Variants in LAMA3 observed in about 807,000 individuals in gnomAD.
LAMA3 encodes laminin subunit alpha-3.
A neutral mutation model predicts 402.0 loss-of-function variants in LAMA3; 281 were observed. The observed-to-expected ratio is 0.70, with a 90% CI of 0.63 to 0.77. The LOEUF (loss-of-function observed/expected upper bound fraction) is 0.77, where lower values mean the gene tolerates loss of function less well. LAMA3 is among the 30% of genes least tolerant of loss of function. LAMA3 has a pLI of 0.00. For synonymous variants in LAMA3, 1,431 were observed against 1,558.4 expected, an observed-to-expected ratio of 0.92 and a Z score of 1.93; for missense variants, 3,840 against 4,215.5, an observed-to-expected ratio of 0.91 and a Z score of 2.47.
rs1182823379 is a variant in LAMA3 at position 23,879,757 on chromosome 18, GAC to G, written c.5113-2177_5113-2176del. On this transcript the variant is annotated intron_variant, in intron 39 of 74. Coordinates refer to ENST00000313654, the MANE Select transcript of LAMA3 (RefSeq NM_198129.4). This position sits in a 1 kb window ranked among gnomAD's most constrained non-coding sequence, Gnocchi z 4.2. ...GTTTCCAGGGTGGCCACTCTCAACT[GAC>G]AGTGAAGGGTTTCTCACATATTTTT... 6.6e-6 allele frequency among the ~76,000 whole-genome samples: 1 copy of G among 152,196 alleles called. No individual in the cohort carries two copies. The highest frequency in any genetic ancestry group is 2.4e-5 in the African/African-American group (1 of 41,442).
intron 1 of LAMA3, chr18:23,709,804 G>C: frequency 6.3e-6 from 4 of 638,210 alleles, no homozygotes; most frequent in Non-Finnish European, 1.2e-5. Context: ...TGGTGAATTA[G>C]CCAGCCAGAC....
Position 23,907,808 on chromosome 18 carries a change from C to A in LAMA3, c.6888C>A (p.Asn2296Lys), listed in dbSNP as rs141023743. ...CAAAGAGCATGGTCAGAAAGGCCAA[C>A]GACATCACAGATGAGGTTCTGGATG... ...SSAKSMVRKA[N>K]DITDEVLDGL... Residue 2296 changes from asparagine (N) to lysine (K), a missense_variant, in exon 54 of 75, where the codon AAC becomes AAA. Physicochemically the swap from Asn to Lys is moderately conservative, Grantham distance 94. This residue lies in a region of LAMA3 where 891 missense variants were observed against 857.5 expected (regional missense o/e 1.04). Coordinates refer to ENST00000313654, the MANE Select transcript of LAMA3 (RefSeq NM_198129.4). The A allele has an allele frequency of 6.2e-7, 1 of 1,614,120 alleles. No homozygotes were observed. Among genetic ancestry groups the A allele is most frequent in the South Asian group, 1.1e-5 (1 of 91,074 alleles).
chr18:23,938,215 T>C (rs779310761), intron 67 of LAMA3, among the ~76,000 whole-genome samples: 1 of 152,182 alleles, frequency 6.6e-6, no homozygotes, highest in African/African-American at 2.4e-5. Context: ...TCAGGGCTCA[T>C]TGGCCAGCAG....
rs1316195382 is a variant in LAMA3, at chr18:23,954,599, C to G, written c.9953C>G (p.Ala3318Gly). ...CACATCCCTGTCCCTGTCACTGAAG[C>G]CTTGGAAGTCCAGGGGCCTGTCAGT... ...VNHIPVPVTE[A>G]LEVQGPVSLN... is the part of the protein sequence containing the mutation. Residue 3318 changes from alanine to glycine, a missense_variant, in exon 75 of 75, where the codon GCC becomes GGC. Ala to Gly is a moderately conservative substitution (Grantham distance 60). Coordinates refer to ENST00000313654, the MANE Select transcript of LAMA3 (RefSeq NM_198129.4). 2 of 1,613,946 alleles carry G rather than the reference C, an allele frequency of 1.2e-6. No individual in the cohort carries two copies. Among genetic ancestry groups the G allele is most frequent in the Admixed American group, 3.3e-5 (2 of 60,008 alleles).
intron 59 of LAMA3, among the ~76,000 whole-genome samples, chr18:23,915,999 C>G (rs1482127529): frequency 8.1e-5 from 4 of 49,132 alleles, no homozygotes; most frequent in Non-Finnish European, 1.3e-4. Context: ...GAGTGAGACT[C>G]CATCTCCAAA....
At chr18:23,922,434 T>G (rs756162846) in intron 62 of LAMA3, among the ~76,000 whole-genome samples, 11 of 152,240 alleles carry the variant, frequency 7.2e-5, no homozygotes, top group Non-Finnish European at 8.8e-5. Flanking sequence ...TCTAGAGTCC[T>G]TATACATGTG....
intron 32 of LAMA3, among the ~76,000 whole-genome samples, chr18:23,854,516 C>CTGTA (rs2064019920): frequency 6.6e-6 from 1 of 151,834 alleles, no homozygotes; most frequent in Non-Finnish European, 1.5e-5. Flanking sequence ...TGGCGGGCAC[C>CTGTA]TGTAGTCCCA....
At chr18:23,874,275 A>G (rs1047016056) in intron 38 of LAMA3, among the ~76,000 whole-genome samples, 1 of 152,250 alleles carries the variant, frequency 6.6e-6, no homozygotes, top group Admixed American at 6.5e-5. Flanking sequence ...ACTGATAATT[A>G]TAAGTTACTT....
At chr18:23,919,876 C>T (rs751101543) in intron 60 of LAMA3, among the ~76,000 whole-genome samples, 3 of 145,492 alleles carry the variant, frequency 2.1e-5, no homozygotes, top group African/African-American at 5.2e-5. Flanking sequence ...AATGGACTTT[C>T]GGGGGTACAT....
At position 23,876,009 on chromosome 18, in the gene LAMA3, G is replaced by A. The variant is rs559715178; in HGVS notation, c.4999-285G>A. ...ATTCACACTCACTGAAGGAAAGAAG[G>A]TTTGAAAAATGTATGCCTCAGCCGG... On this transcript the variant is annotated intron_variant, in intron 38 of 74. Coordinates refer to ENST00000313654, the MANE Select transcript of LAMA3 (RefSeq NM_198129.4). Among the ~76,000 whole-genome samples, 20 of 152,270 alleles carry A rather than the reference G, an allele frequency of 1.3e-4. No homozygotes were observed. The South Asian group carries it at 3.7e-3, about 28-fold the overall frequency.
In LAMA3 at chr18:23,805,774, A is replaced by G. The variant is rs761117079; in HGVS notation, c.1604-4592A>G. 3.9e-4 allele frequency among the ~76,000 whole-genome samples: 59 copies of G among 152,182 alleles called. 1 individual carries two copies. The highest frequency in any genetic ancestry group is 2.0e-4 in the Admixed American group (3 of 15,278). ...AAGATCTGATTATTTCCTTTTTGCCAGTGTGTAGTCACCTTGGTAAAAGGC... is the reference window on the plus strand; with the variant it reads ...AAGATCTGATTATTTCCTTTTTGCCGGTGTGTAGTCACCTTGGTAAAAGGC... On this transcript the variant is annotated intron_variant, in intron 12 of 74. Transcript: ENST00000313654.
At chr18:23,700,751 G>A (rs2145844471) in intron 1 of LAMA3, among the ~76,000 whole-genome samples, 1 of 152,192 alleles carries the variant, frequency 6.6e-6, no homozygotes, top group African/African-American at 2.4e-5. Flanking sequence ...GGGCTCGAGT[G>A]TGGTGGCATG....
intron 61 of LAMA3, 95 bp downstream of exon 61, chr18:23,921,149 T>G: frequency 7.3e-7 from 1 of 1,366,768 alleles, no homozygotes. Context: ...AAACTTCCTA[T>G]TACCAGATAA....
rs537743130 is a variant in LAMA3, at chr18:23,922,862, C to T, written c.8177+1277C>T. ...GATTTATTGAGTGCCTAATGGGCAT[C>T]AGGCAGAGTGACAGGTGCCAAGAAG... On this transcript the variant is annotated intron_variant, in intron 62 of 74. Coordinates refer to ENST00000313654, the MANE Select transcript of LAMA3 (RefSeq NM_198129.4). Among the ~76,000 whole-genome samples, 15 of 152,276 alleles carry T rather than the reference C, an allele frequency of 9.9e-5. No homozygotes were observed. In the East Asian group the frequency reaches 2.3e-3, roughly 24 times the overall value.
chr18:23,795,567 T>C (rs1425741100), intron 12 of LAMA3, among the ~76,000 whole-genome samples: 1 of 152,156 alleles, frequency 6.6e-6, no homozygotes. Context: ...TAGTTAATAG[T>C]TTGGTGGTTA....
At chr18:23,857,644 T>C (rs1195305597) in intron 32 of LAMA3, among the ~76,000 whole-genome samples, 200 bp from the exon 33 acceptor site, 5 of 152,248 alleles carry the variant, frequency 3.3e-5, no homozygotes, top group Non-Finnish European at 7.3e-5. Context: ...TCCATGACCA[T>C]CCACAATGGC....
chr18:23,908,304 G>T (rs2081316350), intron 54 of LAMA3, among the ~76,000 whole-genome samples: 1 of 152,060 alleles, frequency 6.6e-6, no homozygotes, highest in Non-Finnish European at 1.5e-5. Flanking sequence ...GCCGAGGTGG[G>T]TGGATCACGA....
chr18:23,941,337 G>T (rs1310769952), intron 68 of LAMA3, among the ~76,000 whole-genome samples: 91 of 14,458 alleles, frequency 6.3e-3, no homozygotes, highest in African/African-American at 0.017. Context: ...CCCCCCCCCC[G>T]CCCGGCAGCT....
rs73400369 is a variant in LAMA3 at position 23,928,364 on chromosome 18, A to G, written c.8295+124A>G. Reference sequence around the variant, plus strand: ...ACAGTGTTACAGTGAACTGGCTCATATACACTCCCCATGTGCTTGCAAGAT... The same window carrying G: ...ACAGTGTTACAGTGAACTGGCTCATGTACACTCCCCATGTGCTTGCAAGAT... On this transcript the variant is annotated intron_variant, in intron 63 of 74. Transcript: ENST00000313654. The G allele has an allele frequency of 4.4e-3, 3,314 of 761,756 alleles. 75 individuals carry two copies. The African/African-American group carries it at 0.052, about 12-fold the overall frequency. 47.2% of individuals were successfully genotyped at this position (761,756 alleles called of 1,614,324 possible).
Sources: gnomAD v4.1 joint callset for allele counts (sites outside exome capture counted in the v4.1 genomes callset) on GRCh38, gnomAD v4.1.1 for gene constraint, gnomAD v4.1.1 regional missense constraint, Gnocchi (gnomAD v3.1) non-coding constraint, MANE v1.5 for transcripts, NCBI Gene and HGNC (gene_info 2026-07-23, HGNC 2026-07-21) for gene names.